The following UGT1A9 variants were observed in gnomAD, a reference collection of about 807,000 sequenced individuals.
The protein encoded by UGT1A9 is UDP-glucuronosyltransferase 1A9.
In UGT1A9, 35 loss-of-function variants were observed where a neutral mutation model predicts 45.0. That is an observed-to-expected ratio of 0.78 (90% confidence interval 0.59 to 1.03). The LOEUF (loss-of-function observed/expected upper bound fraction) is 1.03. UGT1A9 is among the 50% of genes least tolerant of loss of function. The probability of loss-of-function intolerance (pLI) is 0.00; values close to 1 mark genes in which losing one functional copy is unlikely to be tolerated. For synonymous variants in UGT1A9, 278 were observed against 250.6 expected, an observed-to-expected ratio of 1.11 and a Z score of -1.03; for missense variants, 687 against 666.6, an observed-to-expected ratio of 1.03 and a Z score of -0.34.
chr2:233,734,229 A>T (rs907561316), intron 1 of UGT1A9, among the ~76,000 whole-genome samples: 6 of 152,114 alleles, frequency 3.9e-5, no homozygotes, highest in African/African-American at 1.2e-4. Context: ...TCAGAGATTC[A>T]ACTTCTTCCT....
chr2:233,738,808 A>G (rs1190321536), intron 1 of UGT1A9: 3 of 152,254 alleles, frequency 2.0e-5, no homozygotes, highest in South Asian at 4.1e-4. Flanking sequence ...TACTAGCTAA[A>G]GAAATTTGAA....
intron 1 of UGT1A9, chr2:233,753,549 G>A (rs917906556): frequency 6.6e-6 from 1 of 152,150 alleles, no homozygotes; most frequent in Admixed American, 6.5e-5. Flanking sequence ...TTCCTCAGAG[G>A]TGACCCTAGA....
chr2:233,730,157 C>T (rs1042969682), intron 1 of UGT1A9, among the ~76,000 whole-genome samples: 1 of 152,168 alleles, frequency 6.6e-6, no homozygotes, highest in Non-Finnish European at 1.5e-5. Context: ...TAAGGGGTCT[C>T]TAGTAGCGTA....
intron 1 of UGT1A9, chr2:233,693,053 T>C (rs2075129505): frequency 6.2e-7 from 1 of 1,614,086 alleles, no homozygotes; most frequent in African/African-American, 1.3e-5. Context: ...AGGGGTTTTC[T>C]TCTTAGCACT....
At position 233,719,178 on chromosome 2, in the gene UGT1A9, G is replaced by A. The variant is rs749190317; in HGVS notation, c.855+46389G>A. On this transcript the variant is annotated intron_variant, in intron 1 of 4. Transcript: ENST00000354728. ...TAGAAGTATGGCAATTATGAACAAT[G>A]TATCTTTGGCCCTTCATAGGTGTTG... The A allele has an allele frequency of 1.7e-5, 27 of 1,614,094 alleles. No homozygotes were observed. The highest frequency in any genetic ancestry group is 1.6e-4 in the Middle Eastern group (1 of 6,084).
At chr2:233,684,489 A>T (rs1035081818) in intron 1 of UGT1A9, among the ~76,000 whole-genome samples, 1 of 152,168 alleles carries the variant, frequency 6.6e-6, no homozygotes, top group African/African-American at 2.4e-5. Flanking sequence ...TCAAAGGGTC[A>T]CCCAAAGGGA....
chr2:233,756,969 C>G (rs1044581590), intron 1 of UGT1A9, among the ~76,000 whole-genome samples: 1 of 151,840 alleles, frequency 6.6e-6, no homozygotes, highest in East Asian at 1.9e-4. Flanking sequence ...TTGGTAAGCA[C>G]GCAATGAACA....
intron 1 of UGT1A9, among the ~76,000 whole-genome samples, chr2:233,683,363 T>C (rs1265014296): frequency 6.6e-6 from 1 of 152,196 alleles, no homozygotes; most frequent in African/African-American, 2.4e-5. Flanking sequence ...TTGGATGCAA[T>C]GTAGTTTTCC....
chr2:233,730,905 A>T (rs1322657764), intron 1 of UGT1A9, among the ~76,000 whole-genome samples: 1 of 152,098 alleles, frequency 6.6e-6, no homozygotes, highest in East Asian at 1.9e-4. Flanking sequence ...CCTTTACCAA[A>T]AATTTCAGAG....
intron 1 of UGT1A9, among the ~76,000 whole-genome samples, chr2:233,673,494 G>C (rs1342736745): frequency 2.0e-5 from 3 of 151,848 alleles, no homozygotes; most frequent in Admixed American, 6.6e-5. Context: ...TTTTATCTTA[G>C]TTGACTAGAG....
intron 1 of UGT1A9, among the ~76,000 whole-genome samples, chr2:233,756,565 C>T (rs1696262040): frequency 6.6e-6 from 1 of 152,126 alleles, no homozygotes; most frequent in East Asian, 1.9e-4. Context: ...GAGATCCTCT[C>T]AGACAAAAGG....
In UGT1A9 at chr2:233,769,475, G is replaced by A. The variant is rs1699877907; in HGVS notation, c.1295+1036G>A. 2.5e-6 allele frequency: 4 copies of A among 1,611,166 alleles called. No homozygotes were observed. The highest frequency in any genetic ancestry group is 1.7e-4 in the Middle Eastern group (1 of 6,054). ...TGTGCATTCATATGCGTGTGTGTGT[G>A]TGTGCGTGTGTTTATGAGAGTGTCC... On this transcript the variant is annotated intron_variant, in intron 4 of 4. Coordinates refer to ENST00000354728, the MANE Select transcript of UGT1A9 (RefSeq NM_021027.3). The surrounding 1 kb of genome is among the most constrained non-coding windows in gnomAD (Gnocchi z 4.4).
intron 1 of UGT1A9, chr2:233,747,078 A>G (rs1246065129): frequency 1.2e-5 from 13 of 1,085,828 alleles, no homozygotes; most frequent in Admixed American, 7.9e-5. Context: ...ATAATTAACT[A>G]GGAGGAGAGC....
intron 1 of UGT1A9, chr2:233,721,796 C>T (rs1393362336): frequency 5.8e-6 from 3 of 513,526 alleles, no homozygotes; most frequent in African/African-American, 3.9e-5. Context: ...TTTTAAAGCA[C>T]ATGCAGCAAA....
chr2:233,686,482 A>G (rs2074791293), intron 1 of UGT1A9, among the ~76,000 whole-genome samples: 1 of 152,024 alleles, frequency 6.6e-6, no homozygotes, highest in Non-Finnish European at 1.5e-5. Context: ...TTCCTATGAA[A>G]CTTTCTGAAC....
intron 1 of UGT1A9, chr2:233,755,022 A>C: frequency 7.7e-7 from 1 of 1,305,146 alleles, no homozygotes; most frequent in South Asian, 1.2e-5. Flanking sequence ...GGGGTCCTTG[A>C]AGGGCCTGCC....
At chr2:233,743,297 T>C in intron 1 of UGT1A9, 1 of 557,200 alleles carries the variant, frequency 1.8e-6, no homozygotes, top group South Asian at 1.6e-5. Context: ...TTCTCAATGA[T>C]TCTCTTGGTG....
intron 1 of UGT1A9, chr2:233,729,354 C>T: frequency 1.9e-6 from 3 of 1,614,190 alleles, no homozygotes; most frequent in African/African-American, 1.3e-5. Context: ...ACTTTTTCAC[C>T]CTGACAACCT....
chr2:233,724,557 GAT>G (rs2077281527), intron 1 of UGT1A9, among the ~76,000 whole-genome samples: 1 of 126,690 alleles, frequency 7.9e-6, no homozygotes, highest in Non-Finnish European at 1.7e-5. Flanking sequence ...TCACATCCCA[GAT>G]GGGGCGGCGG....
Sources: gnomAD v4.1 joint callset for allele counts (sites outside exome capture counted in the v4.1 genomes callset) on GRCh38, gnomAD v4.1.1 for gene constraint, Gnocchi (gnomAD v3.1) non-coding constraint, MANE v1.5 for transcripts, NCBI Gene and HGNC (gene_info 2026-07-23, HGNC 2026-07-21) for gene names.